Variants in CELF2 observed in about 807,000 individuals in gnomAD.
The protein encoded by CELF2 is CUGBP Elav-like family member 2, also known as CUG triplet repeat RNA-binding protein 2.
A neutral mutation model predicts 62.6 loss-of-function variants in CELF2; 8 were observed. The observed-to-expected ratio is 0.13, with a 90% CI of 0.07 to 0.23. CELF2 has a LOEUF of 0.23. CELF2 is among the 10% of genes least tolerant of loss of function. The probability of loss-of-function intolerance (pLI) is 1.00; values close to 1 mark genes in which losing one functional copy is unlikely to be tolerated. For synonymous variants in CELF2, 258 were observed against 250.0 expected (o/e 1.03, Z -0.30); for missense variants, 333 against 671.0 (o/e 0.50, Z 5.56).
At chr10:11,035,161 A>T (rs1314471743) in intron 1 of CELF2, among the ~76,000 whole-genome samples, 1 of 152,238 alleles carries the variant, frequency 6.6e-6, no homozygotes, top group African/African-American at 2.4e-5. Context: ...GATTAACCCA[A>T]ACTTTTCCAC....
intron 2 of CELF2, among the ~76,000 whole-genome samples, chr10:10,992,543 A>G (rs1301884939): frequency 6.6e-6 from 1 of 152,202 alleles, no homozygotes; most frequent in African/African-American, 2.4e-5. Flanking sequence ...AAATAATCCA[A>G]TCTAACACAA....
At chr10:10,551,064 C>T in the CELF2 span, among the ~76,000 whole-genome samples, 83,278 of 152,002 alleles carry the variant, frequency 0.55, 23,726 homozygotes, top group African/African-American at 0.68. Context: ...GGTTGCATGC[C>T]TCATTGATCT....
At chr10:10,573,653 AACATCTT>A in the CELF2 span, among the ~76,000 whole-genome samples, 6 of 152,168 alleles carry the variant, frequency 3.9e-5, no homozygotes, top group Admixed American at 6.5e-5. Context: ...AAAATATGCA[AACATCTT>A]ACATCTTACA....
Position 11,329,081 on chromosome 10 carries a change from A to G in CELF2, c.*28A>G, listed in dbSNP as rs751125942. On this transcript the variant is annotated 3_prime_UTR_variant, in exon 13 of 13. Transcript: ENST00000633077. This position sits in a 1 kb window ranked among gnomAD's most constrained non-coding sequence, Gnocchi z 5.5. ...CTAACCCCAGAGGCTCCCTGCTCTC[A>G]TTTTAGCTTTCTTAGGGTAAGTCCC... 6 of 1,592,280 alleles carry G rather than the reference A, an allele frequency of 3.8e-6. No individual in the cohort carries two copies. Among genetic ancestry groups the G allele is most frequent in the Non-Finnish European group, 5.2e-6 (6 of 1,164,356 alleles).
chr10:11,243,975 T>C lies in CELF2; in HGVS notation c.355-5178T>C, dbSNP rs2074820463. 1.3e-5 allele frequency among the ~76,000 whole-genome samples: 2 copies of C among 152,108 alleles called. No individual in the cohort carries two copies. The highest frequency in any genetic ancestry group is 4.1e-4 in the South Asian group (2 of 4,828). ...TGACCCTAGCCACACAGTAGGTAGA[T>C]TGAATTAGCGACCACCACATCACCT... is the stretch of plus-strand genomic sequence containing the variant. On this transcript the variant is annotated intron_variant, in intron 3 of 12. Transcript: ENST00000633077. This position sits in a 1 kb window ranked among gnomAD's most constrained non-coding sequence, Gnocchi z 4.1.
intron 1 of CELF2, among the ~76,000 whole-genome samples, chr10:11,149,433 A>G (rs2062897292): frequency 6.6e-6 from 1 of 152,202 alleles, no homozygotes. Context: ...TATTTCCCAC[A>G]TAGCTGAATG....
intron 1 of CELF2, among the ~76,000 whole-genome samples, chr10:10,842,065 T>C (rs918896798): frequency 6.6e-6 from 1 of 152,108 alleles, no homozygotes; most frequent in Non-Finnish European, 1.5e-5. Context: ...TTGTAAATGG[T>C]ATTTTTCATT....
the CELF2 span, among the ~76,000 whole-genome samples, chr10:10,677,463 G>T: frequency 6.6e-6 from 1 of 152,130 alleles, no homozygotes; most frequent in Non-Finnish European, 1.5e-5. Context: ...TCTCTGAGAC[G>T]GTCACAATCA....
intron 3 of CELF2, among the ~76,000 whole-genome samples, chr10:11,231,864 A>G (rs2068809824): frequency 6.6e-6 from 1 of 151,048 alleles, no homozygotes; most frequent in Non-Finnish European, 1.5e-5. Context: ...CAAAGGCAAA[A>G]AAATAAAAAA....
chr10:11,073,125 A>G (rs1378684911), intron 1 of CELF2, among the ~76,000 whole-genome samples: 2 of 152,202 alleles, frequency 1.3e-5, no homozygotes, highest in Non-Finnish European at 2.9e-5. Context: ...AATCTTAGCA[A>G]TAATACTTGA....
the CELF2 span, among the ~76,000 whole-genome samples, chr10:10,750,010 G>T: frequency 6.6e-6 from 1 of 152,146 alleles, no homozygotes; most frequent in Non-Finnish European, 1.5e-5. Context: ...TAGGCCGGGC[G>T]AGGCGGCTCA....
At chr10:11,142,825 G>A (rs2061582884) in intron 1 of CELF2, among the ~76,000 whole-genome samples, 1 of 152,304 alleles carries the variant, frequency 6.6e-6, no homozygotes, top group Non-Finnish European at 1.5e-5. Flanking sequence ...GTAAGGCCAG[G>A]TAGTTAGGAA....
intron 1 of CELF2, among the ~76,000 whole-genome samples, chr10:10,873,376 G>T (rs1299676786): frequency 6.6e-6 from 1 of 152,158 alleles, no homozygotes; most frequent in East Asian, 1.9e-4. Context: ...CTTAATTTTA[G>T]CCCTCGGGGT....
At chr10:10,800,936 G>A (rs959237699) in intron 1 of CELF2, among the ~76,000 whole-genome samples, 3 of 152,036 alleles carry the variant, frequency 2.0e-5, no homozygotes, top group Middle Eastern at 3.4e-3. Context: ...TTTCTCAGGC[G>A]ATTAACTTAC....
intron 1 of CELF2, among the ~76,000 whole-genome samples, chr10:11,022,113 A>G (rs1339396482): frequency 6.6e-6 from 1 of 152,236 alleles, no homozygotes; most frequent in African/African-American, 2.4e-5. Context: ...ACTGGCATTT[A>G]TCACCTGATA....
intron 1 of CELF2, among the ~76,000 whole-genome samples, chr10:10,901,287 A>G (rs1368322783): frequency 6.6e-6 from 1 of 152,218 alleles, no homozygotes; most frequent in Non-Finnish European, 1.5e-5. Context: ...AAGTTGCAGT[A>G]ATCAGGACAG....
chr10:11,288,940 C>T (rs538139043), intron 9 of CELF2, among the ~76,000 whole-genome samples: 3 of 152,174 alleles, frequency 2.0e-5, no homozygotes, highest in Non-Finnish European at 4.4e-5. Flanking sequence ...TTTCAAAATT[C>T]CTAGTCATTC....
At chr10:10,813,379 A>G (rs2056128870) in intron 1 of CELF2, among the ~76,000 whole-genome samples, 1 of 152,240 alleles carries the variant, frequency 6.6e-6, no homozygotes, top group South Asian at 2.1e-4. Flanking sequence ...TTTCATTCTT[A>G]TAAAGATACA....
At chr10:11,288,618 C>A in intron 9 of CELF2, 66 bp downstream of exon 9, 1 of 1,576,992 alleles carries the variant, frequency 6.3e-7, no homozygotes, top group South Asian at 1.1e-5. Context: ...GTTTCCGTGC[C>A]TCCAGGTGCG....
Sources: allele counts gnomAD v4.1 joint callset (sites outside exome capture counted in the v4.1 genomes callset), GRCh38; gene constraint gnomAD v4.1.1; non-coding constraint Gnocchi (gnomAD v3.1); transcripts MANE v1.5; gene names NCBI Gene and HGNC (gene_info 2026-07-23, HGNC 2026-07-21).